The following STX2 variants were observed in gnomAD, a reference collection of about 807,000 sequenced individuals.
STX2 encodes the protein syntaxin-2.
In STX2, 27 loss-of-function variants were observed where a neutral mutation model predicts 40.6. That is an observed-to-expected ratio of 0.66 (90% CI 0.49 to 0.92). STX2 has a LOEUF of 0.92. Ranked by LOEUF, STX2 falls within the 40% of genes least tolerant of loss-of-function variation. The pLI, the probability that STX2 is intolerant of heterozygous loss-of-function variation, is 0.00. For missense variants in STX2, 328 were observed against 366.1 expected (o/e 0.90, Z 0.85); for synonymous variants, 123 against 119.1 (o/e 1.03, Z -0.22).
At chr12:130,825,942 A>G (rs987483955) in intron 2 of STX2, among the ~76,000 whole-genome samples, 8 of 152,252 alleles carry the variant, frequency 5.3e-5, no homozygotes, top group Non-Finnish European at 8.8e-5. Context: ...AAATTAAGCA[A>G]CATTAGATCA....
intron 6 of STX2, among the ~76,000 whole-genome samples, chr12:130,806,686 C>T (rs542015215): frequency 2.0e-4 from 30 of 152,208 alleles, no homozygotes; most frequent in Non-Finnish European, 3.5e-4. Flanking sequence ...CAGGGCAGGG[C>T]GGGACTGAGG....
chr12:130,798,638 TAAAAC>T lies in STX2; in HGVS notation c.676-8_676-4del, dbSNP rs1248513703. The T allele has an allele frequency of 6.3e-7, 1 of 1,580,222 alleles. No homozygotes were observed. Among genetic ancestry groups the T allele is most frequent in the Non-Finnish European group, 8.6e-7 (1 of 1,168,578 alleles). ...TCTATGTTGTTGATCATTTCACCCT[TAAAAC>T]AAAAAGTTTCAAACTTAGAAGACAT... On this transcript the variant is annotated splice_polypyrimidine_tract_variant and splice_region_variant and intron_variant, in intron 8 of 10. Coordinates refer to ENST00000392373, the MANE Select transcript of STX2 (RefSeq NM_194356.4).
intron 3 of STX2, among the ~76,000 whole-genome samples, chr12:130,820,840 A>G (rs975308482): frequency 7.2e-5 from 11 of 152,054 alleles, no homozygotes; most frequent in African/African-American, 2.2e-4. Flanking sequence ...GGTAGGGGCC[A>G]TTTTCATGGA....
At chr12:130,819,069 T>C (rs1356953270) in intron 3 of STX2, among the ~76,000 whole-genome samples, 1 of 152,220 alleles carries the variant, frequency 6.6e-6, no homozygotes, top group Non-Finnish European at 1.5e-5. Context: ...CTCTCTGCCC[T>C]GGGATCCGCG....
At chr12:130,817,264 A>C (rs1486738751) in intron 3 of STX2, among the ~76,000 whole-genome samples, 1 of 152,238 alleles carries the variant, frequency 6.6e-6, no homozygotes, top group African/African-American at 2.4e-5. Flanking sequence ...AGAATAGGAC[A>C]GTATTAAAAG....
chr12:130,836,068 ACCAG>A (rs1291639016), intron 1 of STX2, among the ~76,000 whole-genome samples: 1 of 144,734 alleles, frequency 6.9e-6, no homozygotes, highest in Non-Finnish European at 1.5e-5. Flanking sequence ...AGAAAAAAAC[ACCAG>A]CCATTTACAA....
intron 3 of STX2, among the ~76,000 whole-genome samples, chr12:130,818,185 A>AAAAAAAAAAAAAATATATATATATATAT: frequency 1.4e-5 from 1 of 70,588 alleles, no homozygotes; most frequent in African/African-American, 1.2e-4. Context: ...AAAAAAAAAA[A>AAAAAAAAAAAAAATATATATATATATAT]ATATATATAT....
chr12:130,834,241 G>C (rs1031132444), intron 1 of STX2, among the ~76,000 whole-genome samples: 1 of 151,834 alleles, frequency 6.6e-6, no homozygotes, highest in African/African-American at 2.4e-5. Flanking sequence ...AAAATCAGCT[G>C]GGTGTCATGG....
chr12:130,798,842 A>G (rs751096006), intron 8 of STX2, among the ~76,000 whole-genome samples: 1 of 152,244 alleles, frequency 6.6e-6, no homozygotes, highest in Non-Finnish European at 1.5e-5. Flanking sequence ...TTATATTTTA[A>G]AAAGAATGAA....
chr12:130,813,277 A>G (rs1201954171), intron 3 of STX2, among the ~76,000 whole-genome samples: 1 of 152,192 alleles, frequency 6.6e-6, no homozygotes, highest in East Asian at 1.9e-4. Flanking sequence ...CTACTCAGAA[A>G]CTGAGGTGGG....
At chr12:130,807,917 CGCCCCAGCA>C (rs773507561) in intron 5 of STX2, among the ~76,000 whole-genome samples, 18 of 152,292 alleles carry the variant, frequency 1.2e-4, no homozygotes, top group Non-Finnish European at 2.4e-4. Flanking sequence ...GGCCGCACAT[CGCCCCAGCA>C]GCCTCCTGCA....
At chr12:130,798,907 AC>A (rs1317162058) in intron 8 of STX2, among the ~76,000 whole-genome samples, 1 of 152,246 alleles carries the variant, frequency 6.6e-6, no homozygotes, top group African/African-American at 2.4e-5. Flanking sequence ...ATTCTGAGAT[AC>A]CTTTAACACG....
intron 9 of STX2, among the ~76,000 whole-genome samples, chr12:130,797,545 G>A (rs541017657): frequency 7.9e-5 from 12 of 152,294 alleles, no homozygotes; most frequent in Non-Finnish European, 1.5e-4. Flanking sequence ...CCGGGGGTGC[G>A]TCTCAGGGCC....
intron 9 of STX2, chr12:130,798,282 A>T: frequency 3.3e-6 from 1 of 301,298 alleles, no homozygotes; most frequent in Admixed American, 5.2e-5. Context: ...CTGGGATTAC[A>T]GGCGTGCCAC....
At chr12:130,814,402 T>G (rs1951778693) in intron 3 of STX2, among the ~76,000 whole-genome samples, 2 of 152,056 alleles carry the variant, frequency 1.3e-5, no homozygotes, top group Non-Finnish European at 2.9e-5. Context: ...ACATCTGACC[T>G]GGGAGTGGAG....
chr12:130,804,738 C>A (rs1244041739), intron 6 of STX2, among the ~76,000 whole-genome samples: 2 of 151,454 alleles, frequency 1.3e-5, no homozygotes, highest in African/African-American at 2.4e-5. Flanking sequence ...GGAATAGCCA[C>A]ATGGAGGGTT....
intron 3 of STX2, among the ~76,000 whole-genome samples, chr12:130,818,185 A>AAAAATAT: frequency 1.1e-4 from 8 of 70,514 alleles, no homozygotes; most frequent in African/African-American, 5.9e-4. Context: ...AAAAAAAAAA[A>AAAAATAT]ATATATATAT....
At chr12:130,792,062 G>A (rs1171390787) in intron 10 of STX2, 85 bp from the exon 11 acceptor site, 1 of 916,596 alleles carries the variant, frequency 1.1e-6, no homozygotes, top group African/African-American at 1.7e-5. Context: ...TGGGATTTGG[G>A]ATAGTTTAAA....
At chr12:130,809,383 G>A (rs779770734) in intron 4 of STX2, among the ~76,000 whole-genome samples, 14 of 152,166 alleles carry the variant, frequency 9.2e-5, no homozygotes, top group African/African-American at 2.4e-4. Context: ...GCTAGACTCC[G>A]AATATGTTTT....
Sources: allele counts gnomAD v4.1 joint callset (sites outside exome capture counted in the v4.1 genomes callset), GRCh38; gene constraint gnomAD v4.1.1; transcripts MANE v1.5; gene names NCBI Gene and HGNC (gene_info 2026-07-23, HGNC 2026-07-21).